The following ANK2 variants were observed in gnomAD, a reference collection of about 807,000 sequenced individuals.
ANK2 encodes the protein ankyrin-2.
ANK2 carries 83 observed loss-of-function variants against 360.5 expected under a neutral mutation model. The ratio of observed to expected loss-of-function variants is 0.23; its 90% CI spans 0.19 to 0.28. The LOEUF (loss-of-function observed/expected upper bound fraction) is 0.28, where lower values mean the gene tolerates loss of function less well. Ranked by LOEUF, ANK2 falls within the 10% of genes least tolerant of loss-of-function variation. The pLI is 1.00. For synonymous variants in ANK2, 1,740 were observed against 1,759.5 expected (o/e 0.99, Z 0.28); for missense variants, 4,201 against 4,795.7 (o/e 0.88, Z 3.66).
Position 113,210,053 on chromosome 4 carries a change from A to G in ANK2, c.384+10944A>G, listed in dbSNP as rs546889679. On this transcript the variant is annotated intron_variant, in intron 4 of 45. Transcript: ENST00000357077. ...TGTTAAGATGTTAGCTTTTGTGCCT[A>G]TAGGGGAACCAAACATCTTGTGATT... 1.9e-4 allele frequency among the ~76,000 whole-genome samples: 29 copies of G among 152,324 alleles called. No homozygotes were observed. The South Asian group carries it at 2.1e-3, about 11-fold the overall frequency.
the ANK2 span, among the ~76,000 whole-genome samples, chr4:112,723,541 T>C: frequency 1.7e-4 from 26 of 152,246 alleles, no homozygotes; most frequent in Admixed American, 1.4e-3. Flanking sequence ...TTTTTGTATT[T>C]TTAGTAGAGA....
intron 2 of ANK2, among the ~76,000 whole-genome samples, chr4:112,943,606 G>T (rs964578804): frequency 1.3e-5 from 2 of 151,824 alleles, no homozygotes; most frequent in Non-Finnish European, 2.9e-5. Flanking sequence ...TAAAACAGTC[G>T]CATTAGAAAT....
chr4:113,135,346 A>C (rs1338282081), intron 1 of ANK2, among the ~76,000 whole-genome samples: 2 of 152,190 alleles, frequency 1.3e-5, no homozygotes, highest in African/African-American at 4.8e-5. Flanking sequence ...AAGGAGGATT[A>C]GATATCACGG....
chr4:112,799,416 C>T, the ANK2 span, among the ~76,000 whole-genome samples: 3 of 152,100 alleles, frequency 2.0e-5, no homozygotes, highest in African/African-American at 7.2e-5. Flanking sequence ...AGGGTAGTGG[C>T]ACCATTTTAT....
the ANK2 span, among the ~76,000 whole-genome samples, chr4:112,707,921 G>A: frequency 6.6e-6 from 1 of 152,212 alleles, no homozygotes; most frequent in South Asian, 2.1e-4. Flanking sequence ...TCAAGTTATT[G>A]ACTGGTGTCC....
intron 10 of ANK2, among the ~76,000 whole-genome samples, chr4:113,251,734 G>A (rs931510337): frequency 5.3e-5 from 8 of 151,772 alleles, no homozygotes; most frequent in East Asian, 1.9e-4. Flanking sequence ...TGCCCATCTC[G>A]GCCTCCCAAA....
chr4:113,251,628 G>A (rs1225873373), intron 10 of ANK2, among the ~76,000 whole-genome samples: 2 of 151,456 alleles, frequency 1.3e-5, no homozygotes, highest in Non-Finnish European at 2.9e-5. Context: ...AACTACAGGC[G>A]CCCACCACCA....
At chr4:113,334,636 A>G (rs2093200226) in intron 29 of ANK2, among the ~76,000 whole-genome samples, 1 of 117,776 alleles carries the variant, frequency 8.5e-6, no homozygotes, top group Non-Finnish European at 1.6e-5. Flanking sequence ...TAATTAATCT[A>G]TTACTAGAAG....
At chr4:113,161,562 T>C (rs1034120663) in intron 1 of ANK2, among the ~76,000 whole-genome samples, 4 of 150,504 alleles carry the variant, frequency 2.7e-5, no homozygotes, top group African/African-American at 9.8e-5. Context: ...TTACAGCAGG[T>C]CACATCCAAT....
intron 1 of ANK2, among the ~76,000 whole-genome samples, chr4:112,888,557 A>C (rs2079057481): frequency 6.6e-6 from 1 of 151,692 alleles, no homozygotes; most frequent in Non-Finnish European, 1.5e-5. Flanking sequence ...TTTTTTGAAA[A>C]TTTTTAATTT....
intron 2 of ANK2, among the ~76,000 whole-genome samples, chr4:113,000,546 C>T (rs577514072): frequency 3.3e-4 from 51 of 152,244 alleles, no homozygotes; most frequent in Non-Finnish European, 4.3e-4. Flanking sequence ...CATTTTACTA[C>T]GCTGGCAAAT....
chr4:113,235,560 CT>C (rs1313913871), intron 5 of ANK2, among the ~76,000 whole-genome samples: 1 of 152,092 alleles, frequency 6.6e-6, no homozygotes, highest in African/African-American at 2.4e-5. Flanking sequence ...TCCCAAGTAG[CT>C]GGGATTACAG....
the ANK2 span, among the ~76,000 whole-genome samples, chr4:112,770,498 G>T: frequency 1.3e-5 from 2 of 152,208 alleles, no homozygotes; most frequent in Admixed American, 1.3e-4. Context: ...CTGATGTCAG[G>T]AGTTCAAGAC....
In ANK2 at chr4:113,369,594, A is replaced by C. The variant is rs773222006; in HGVS notation, c.11399A>C (p.Glu3800Ala). The change falls in exon 43 of 46, where the codon GAA (glutamate) becomes GCA (alanine). Residue 3800 changes from glutamate to alanine, a missense_variant. Physicochemically the swap from Glu to Ala is moderately radical, Grantham distance 107. Transcript: ENST00000357077. ...VPSSPSKTPE[E>A]VSTPAEEEKL... Reference sequence around the variant, plus strand: ...AGCTCTCCCAGCAAGACACCTGAGGAAGTTAGCACCCCTGCAGAGGAGGAG... The same window carrying C: ...AGCTCTCCCAGCAAGACACCTGAGGCAGTTAGCACCCCTGCAGAGGAGGAG... 8.1e-6 allele frequency: 13 copies of C among 1,614,138 alleles called. No homozygotes were observed. The Admixed American group carries it at 2.2e-4, about 27-fold the overall frequency.
intron 2 of ANK2, among the ~76,000 whole-genome samples, chr4:112,912,507 T>A (rs1259326716): frequency 6.6e-6 from 1 of 152,012 alleles, no homozygotes; most frequent in Non-Finnish European, 1.5e-5. Context: ...ATATTATGAT[T>A]TTCCTATCCC....
At chr4:112,812,815 A>G in the ANK2 span, among the ~76,000 whole-genome samples, 1 of 152,142 alleles carries the variant, frequency 6.6e-6, no homozygotes, top group Admixed American at 6.5e-5. Context: ...TCTCTTCAGT[A>G]ATTTCCTTGC....
Position 113,376,249 on chromosome 4 carries a change from A to G in ANK2, c.11859+2800A>G, listed in dbSNP as rs79288051. On this transcript the variant is annotated intron_variant, in intron 45 of 45. Coordinates refer to ENST00000357077, the MANE Select transcript of ANK2 (RefSeq NM_001148.6). ...ATAGCCTACTATACTTCTAGGTTATATGGTATAACCTATTGCTCCTGGCTA... is the reference window on the plus strand; with the variant it reads ...ATAGCCTACTATACTTCTAGGTTATGTGGTATAACCTATTGCTCCTGGCTA... Among the ~76,000 whole-genome samples, 84 of 152,366 alleles carry G rather than the reference A, an allele frequency of 5.5e-4. 1 individual carries two copies. The East Asian group carries it at 0.015, about 27-fold the overall frequency.
chr4:113,148,137 C>G (rs1026824777), intron 1 of ANK2, among the ~76,000 whole-genome samples: 32 of 152,236 alleles, frequency 2.1e-4, no homozygotes, highest in African/African-American at 7.7e-4. Flanking sequence ...GATTCTTGAC[C>G]ATGTTTTGAT....
intron 12 of ANK2, 32 bp from the exon 13 acceptor site, chr4:113,258,281 A>T (rs2050631002): frequency 6.2e-7 from 1 of 1,606,834 alleles, no homozygotes; most frequent in South Asian, 1.1e-5. Context: ...ACCGGTGCAG[A>T]GGAGTAAAAC....
Sources: gnomAD v4.1 joint callset for allele counts (sites outside exome capture counted in the v4.1 genomes callset) on GRCh38, gnomAD v4.1.1 for gene constraint, MANE v1.5 for transcripts, NCBI Gene and HGNC (gene_info 2026-07-23, HGNC 2026-07-21) for gene names.